GPM6A: variants seen among roughly 807,000 people sequenced by gnomAD.
GPM6A encodes neuronal membrane glycoprotein M6-a.
Under a neutral mutation model 32.1 loss-of-function variants are expected in GPM6A, and 7 were observed. The observed-to-expected ratio is 0.22, with a 90% CI of 0.12 to 0.41. GPM6A has a LOEUF of 0.41. GPM6A is among the 10% of genes least tolerant of loss of function. GPM6A has a pLI of 1.00. For synonymous variants in GPM6A, 130 were observed against 123.4 expected (o/e 1.05, Z -0.35); for missense variants, 235 against 347.2 (o/e 0.68, Z 2.57).
At chr4:175,702,942 GAA>G (rs556147715) in intron 1 of GPM6A, among the ~76,000 whole-genome samples, 5 of 152,236 alleles carry the variant, frequency 3.3e-5, no homozygotes, top group African/African-American at 1.2e-4. Context: ...GAAAAAATGA[GAA>G]AGACACTGGC....
upstream of GPM6A, among the ~76,000 whole-genome samples, chr4:175,816,073 C>A (rs1490541835): frequency 6.6e-6 from 1 of 152,116 alleles, no homozygotes; most frequent in Non-Finnish European, 1.5e-5. Flanking sequence ...CACCTATAGT[C>A]CCAGCTACTG....
At chr4:175,731,097 T>C (rs1245116204) in intron 1 of GPM6A, among the ~76,000 whole-genome samples, 3 of 152,166 alleles carry the variant, frequency 2.0e-5, no homozygotes, top group Non-Finnish European at 4.4e-5. Flanking sequence ...CAATTTGTTA[T>C]TTCTCCAATT....
intron 1 of GPM6A, among the ~76,000 whole-genome samples, chr4:175,973,506 A>T (rs1296946566): frequency 6.6e-6 from 1 of 152,262 alleles, no homozygotes; most frequent in Non-Finnish European, 1.5e-5. Context: ...CTACATAATT[A>T]ACTTCACTTC....
chr4:175,667,866 C>A (rs1455964981), intron 3 of GPM6A, among the ~76,000 whole-genome samples: 2 of 151,958 alleles, frequency 1.3e-5, no homozygotes, highest in South Asian at 2.1e-4. Flanking sequence ...TCTAAAAAAT[C>A]AAAAACAAAC....
chr4:175,764,306 C>T (rs1401292787), intron 1 of GPM6A, among the ~76,000 whole-genome samples: 7 of 152,170 alleles, frequency 4.6e-5, no homozygotes, highest in South Asian at 2.1e-4. Context: ...TTTAGCAAAA[C>T]GTTTTCAAGA....
chr4:175,823,830 G>T (rs1222331106), intron 1 of GPM6A, among the ~76,000 whole-genome samples: 1 of 152,180 alleles, frequency 6.6e-6, no homozygotes, highest in Non-Finnish European at 1.5e-5. Context: ...AACTCAGACT[G>T]ACAACTTTTC....
intron 1 of GPM6A, chr4:175,807,211 G>A (rs958776779): frequency 2.0e-5 from 3 of 152,130 alleles, no homozygotes; most frequent in East Asian, 1.9e-4. Flanking sequence ...ATTTAGGGAC[G>A]AATTTATTTA....
At chr4:175,659,530 C>A (rs1385506282) in intron 3 of GPM6A, among the ~76,000 whole-genome samples, 1 of 151,872 alleles carries the variant, frequency 6.6e-6, no homozygotes, top group African/African-American at 2.4e-5. Flanking sequence ...AATAACATAA[C>A]CAAAACTGGA....
intron 2 of GPM6A, among the ~76,000 whole-genome samples, chr4:175,689,547 T>C (rs1325390951): frequency 6.6e-6 from 1 of 152,162 alleles, no homozygotes; most frequent in East Asian, 1.9e-4. Context: ...TGATGTGATA[T>C]TTCCTGGTGA....
Position 175,634,917 on chromosome 4 carries a change from A to G in GPM6A, c.825T>C (p.Asn275=). 2.5e-6 allele frequency: 4 copies of G among 1,613,672 alleles called. No homozygotes were observed. The highest frequency in any genetic ancestry group is 3.4e-6 in the Non-Finnish European group (4 of 1,179,688). ...CAGGAAGATGCATTTATGTGTATGC[A>G]TTGAGCCGCTCTTTGGAGCGAGTAG... ...IHSTRSKERL[N]AYT is the part of the protein sequence containing the mutation. The change falls in exon 7 of 7, where the codon AAT becomes AAC. Residue 275 remains asparagine (N), a synonymous_variant. Transcript: ENST00000393658.
In GPM6A at chr4:175,857,617, C is replaced by T. The variant is rs566552552; in HGVS notation, c.-22-45368G>A. Among the ~76,000 whole-genome samples the T allele has an allele frequency of 4.6e-5, 7 of 152,128 alleles. No homozygotes were observed. In the East Asian group the frequency reaches 1.4e-3, roughly 29 times the overall value. On this transcript the variant is annotated intron_variant, in intron 1 of 7. Coordinates refer to the GPM6A transcript ENST00000280187. ...ACATTAGATGCACGTGGTCTGAATTCCGTAATACTTTCAGGAAAAGCCATT... is the reference window on the plus strand; with the variant it reads ...ACATTAGATGCACGTGGTCTGAATTTCGTAATACTTTCAGGAAAAGCCATT...
chr4:175,971,595 G>A (rs919177094), intron 1 of GPM6A, among the ~76,000 whole-genome samples: 10 of 152,008 alleles, frequency 6.6e-5, no homozygotes, highest in Non-Finnish European at 1.5e-4. Context: ...GGAAGCGGGC[G>A]GCATCAGGGG....
chr4:175,847,999 A>G (rs1031924066), intron 1 of GPM6A, among the ~76,000 whole-genome samples: 3 of 152,184 alleles, frequency 2.0e-5, no homozygotes, highest in Non-Finnish European at 4.4e-5. Context: ...CTAACAAAGT[A>G]CAATGTTCTG....
chr4:175,805,399 A>G (rs768587553), intron 1 of GPM6A, among the ~76,000 whole-genome samples: 1 of 152,216 alleles, frequency 6.6e-6, no homozygotes, highest in Non-Finnish European at 1.5e-5. Flanking sequence ...TTATAAATCA[A>G]TGAAGAATGC....
chr4:175,848,742 T>C (rs1165634557), intron 1 of GPM6A, among the ~76,000 whole-genome samples: 2 of 151,690 alleles, frequency 1.3e-5, no homozygotes, highest in Non-Finnish European at 2.9e-5. Context: ...TACATCATTC[T>C]TGACACATGT....
At chr4:175,699,030 A>G (rs1483842259) in intron 2 of GPM6A, among the ~76,000 whole-genome samples, 6 of 152,162 alleles carry the variant, frequency 3.9e-5, no homozygotes, top group Non-Finnish European at 8.8e-5. Flanking sequence ...TTTCTTACAA[A>G]CTTGTAATTC....
intron 1 of GPM6A, among the ~76,000 whole-genome samples, chr4:175,764,854 T>A: frequency 6.9e-6 from 1 of 145,722 alleles, no homozygotes; most frequent in Non-Finnish European, 1.5e-5. Context: ...GGCATTATTA[T>A]TATTATTATT....
At chr4:175,803,164 TTCATCATCATCATCA>T (rs5864348) in intron 1 of GPM6A, among the ~76,000 whole-genome samples, 10 of 145,620 alleles carry the variant, frequency 6.9e-5, no homozygotes, top group East Asian at 4.1e-4. Context: ...CTGTTCTCGT[TTCATCATCATCATCA>T]TCATCATCAT....
intron 1 of GPM6A, among the ~76,000 whole-genome samples, chr4:175,904,881 A>G (rs1036530816): frequency 5.9e-5 from 9 of 152,104 alleles, no homozygotes; most frequent in Non-Finnish European, 1.2e-4. Context: ...AAAATTTGCC[A>G]TTTCTTAGTT....
Sources: allele counts gnomAD v4.1 joint callset (sites outside exome capture counted in the v4.1 genomes callset), GRCh38; gene constraint gnomAD v4.1.1; transcripts MANE v1.5; gene names NCBI Gene and HGNC (gene_info 2026-07-23, HGNC 2026-07-21).